The following NELL1 variants were observed in gnomAD, a reference collection of about 807,000 sequenced individuals.
The protein encoded by NELL1 is neural EGFL like 1.
In NELL1, 76 loss-of-function variants were observed where a neutral mutation model predicts 107.4. The observed-to-expected ratio is 0.71, with a 90% CI of 0.59 to 0.86. NELL1 has a LOEUF of 0.86. Ranked by LOEUF, NELL1 falls within the 40% of genes least tolerant of loss-of-function variation. The probability of loss-of-function intolerance (pLI) is 0.00; values close to 1 mark genes in which losing one functional copy is unlikely to be tolerated. For synonymous variants in NELL1, 353 were observed against 341.2 expected, an observed-to-expected ratio of 1.03 and a Z score of -0.38; for missense variants, 1,024 against 1,005.5, an observed-to-expected ratio of 1.02 and a Z score of -0.25.
intron 14 of NELL1, among the ~76,000 whole-genome samples, chr11:21,295,053 A>G (rs777054589): frequency 6.6e-6 from 1 of 152,092 alleles, no homozygotes; most frequent in Non-Finnish European, 1.5e-5. Context: ...TGTGACCTGT[A>G]GGAAATGCCA....
At chr11:21,073,155 C>A (rs193115242) in intron 12 of NELL1, among the ~76,000 whole-genome samples, 1 of 152,242 alleles carries the variant, frequency 6.6e-6, no homozygotes, top group East Asian at 1.9e-4. Flanking sequence ...TCTGTTTGAT[C>A]TGATTACCTT....
chr11:21,298,217 A>C (rs1277732493), intron 14 of NELL1, among the ~76,000 whole-genome samples: 1 of 151,906 alleles, frequency 6.6e-6, no homozygotes, highest in Non-Finnish European at 1.5e-5. Flanking sequence ...GTTGGTTCTA[A>C]TTCTTGTGAT....
At chr11:21,268,276 C>T (rs1230035882) in intron 14 of NELL1, among the ~76,000 whole-genome samples, 1 of 152,136 alleles carries the variant, frequency 6.6e-6, no homozygotes, top group Non-Finnish European at 1.5e-5. Context: ...CTTTTGTGAG[C>T]TTTACATCCA....
Position 21,229,039 on chromosome 11 carries a change from A to G in NELL1, c.1427-293A>G, listed in dbSNP as rs112578764. ...GAACCATTACCTTGGAATCTCTGTG[A>G]AAACCTTTTTAGAAGGTGGAAGAAA... On this transcript the variant is annotated intron_variant, in intron 13 of 19. Transcript: ENST00000357134. 1.9e-3 allele frequency among the ~76,000 whole-genome samples: 287 copies of G among 152,166 alleles called. 2 individuals carry two copies. Among genetic ancestry groups the G allele is most frequent in the Middle Eastern group, 0.01 (3 of 294 alleles).
intron 9 of NELL1, among the ~76,000 whole-genome samples, chr11:20,930,411 G>A (rs1850593861): frequency 6.6e-6 from 1 of 152,132 alleles, no homozygotes; most frequent in South Asian, 2.1e-4. Context: ...CTGCATAAAT[G>A]TCATTTTCAT....
chr11:21,273,112 A>T (rs1006901708), intron 14 of NELL1, among the ~76,000 whole-genome samples: 19 of 152,196 alleles, frequency 1.2e-4, no homozygotes, highest in African/African-American at 4.6e-4. Flanking sequence ...TCCGAGCTAC[A>T]GGAGGAAGTT....
At chr11:20,711,400 G>A (rs1379321501) in intron 2 of NELL1, among the ~76,000 whole-genome samples, 1 of 152,014 alleles carries the variant, frequency 6.6e-6, no homozygotes, top group Non-Finnish European at 1.5e-5. Context: ...TGAGATGTGA[G>A]GTACTGTTCT....
rs560663593 is a variant in NELL1 at position 21,454,149 on chromosome 11, A to G, written c.1646-80225A>G. ...TGTGTCCATGTGATCTCATTGTTCA[A>G]TTCCCACCTATGAGTGAGAATATGC... On this transcript the variant is annotated intron_variant, in intron 15 of 19. Coordinates refer to ENST00000357134, the MANE Select transcript of NELL1 (RefSeq NM_006157.5). Among the ~76,000 whole-genome samples the G allele has an allele frequency of 9.1e-4, 124 of 136,494 alleles. 1 individual carries two copies. In the East Asian group the frequency reaches 0.024, roughly 26 times the overall value. The allele number at this position is 136,494 out of a possible 152,430, so 89.5% of individuals were successfully genotyped here.
At chr11:21,362,480 G>C (rs934100269) in intron 14 of NELL1, among the ~76,000 whole-genome samples, 1 of 152,184 alleles carries the variant, frequency 6.6e-6, no homozygotes, top group African/African-American at 2.4e-5. Flanking sequence ...GGTTATACTA[G>C]CAGTGAAGTT....
intron 12 of NELL1, among the ~76,000 whole-genome samples, chr11:21,028,970 T>G (rs1852887488): frequency 6.6e-6 from 1 of 152,186 alleles, no homozygotes; most frequent in East Asian, 1.9e-4. Flanking sequence ...CTGCCTAAGC[T>G]GTTACAACAT....
At chr11:20,761,608 C>A (rs1856422670) in intron 2 of NELL1, among the ~76,000 whole-genome samples, 1 of 152,174 alleles carries the variant, frequency 6.6e-6, no homozygotes, top group Non-Finnish European at 1.5e-5. Context: ...TTGGCAAATG[C>A]TCAGTCCAGG....
intron 16 of NELL1, among the ~76,000 whole-genome samples, chr11:21,536,398 C>T (rs1298786829): frequency 6.6e-6 from 1 of 152,152 alleles, no homozygotes; most frequent in Non-Finnish European, 1.5e-5. Context: ...TATACGTTGT[C>T]CCTCTGGCTG....
chr11:21,272,056 C>G (rs563758267), intron 14 of NELL1, among the ~76,000 whole-genome samples: 39 of 152,256 alleles, frequency 2.6e-4, no homozygotes, highest in Middle Eastern at 6.8e-3. Flanking sequence ...AAAGTGGGTG[C>G]AGGACAGTGG....
chr11:21,560,355 A>C lies in NELL1; in HGVS notation c.1953A>C (p.Glu651Asp). The change falls in exon 17 of 20, where the codon GAA becomes GAC. Residue 651 changes from glutamate (E) to aspartate (D), a missense_variant. Glu to Asp is a conservative substitution (Grantham distance 45). Transcript: ENST00000357134. ...KHNGQVWTLK[E>D]DRCSVCSCKD... The stretch of plus-strand genomic sequence containing the variant: ...ATGGCCAGGTGTGGACCTTGAAAGA[A>C]GACAGGTGTTCTGTCTGCTCCTGCA... 4 of 1,600,340 alleles carry C rather than the reference A, an allele frequency of 2.5e-6. No individual in the cohort carries two copies. Among genetic ancestry groups the C allele is most frequent in the Non-Finnish European group, 3.4e-6 (4 of 1,173,742 alleles).
intron 14 of NELL1, among the ~76,000 whole-genome samples, chr11:21,239,226 T>C (rs1192623298): frequency 6.6e-6 from 1 of 152,134 alleles, no homozygotes; most frequent in Non-Finnish European, 1.5e-5. Flanking sequence ...ACATTATGTA[T>C]ATAATACACA....
chr11:21,050,568 T>C (rs990582698), intron 12 of NELL1, among the ~76,000 whole-genome samples: 1 of 152,180 alleles, frequency 6.6e-6, no homozygotes. Context: ...CACATAAATA[T>C]TCAGACCCAT....
At chr11:21,084,975 A>G (rs1854355126) in intron 12 of NELL1, among the ~76,000 whole-genome samples, 1 of 152,198 alleles carries the variant, frequency 6.6e-6, no homozygotes, top group South Asian at 2.1e-4. Flanking sequence ...CATAATATGT[A>G]GTTTCCTCAG....
At chr11:21,509,547 A>G (rs961171410) in intron 15 of NELL1, among the ~76,000 whole-genome samples, 3 of 152,198 alleles carry the variant, frequency 2.0e-5, no homozygotes, top group Non-Finnish European at 4.4e-5. Flanking sequence ...GTAAATATCA[A>G]AATAACAAAT....
At chr11:21,163,905 G>T (rs1004702901) in intron 13 of NELL1, among the ~76,000 whole-genome samples, 1 of 151,854 alleles carries the variant, frequency 6.6e-6, no homozygotes, top group Non-Finnish European at 1.5e-5. Context: ...AATTTTGAGG[G>T]GGGTGGGTAA....
Sources: gnomAD v4.1 joint callset for allele counts (sites outside exome capture counted in the v4.1 genomes callset) on GRCh38, gnomAD v4.1.1 for gene constraint, MANE v1.5 for transcripts, NCBI Gene and HGNC (gene_info 2026-07-23, HGNC 2026-07-21) for gene names.